Variants in PPARGC1A observed in about 807,000 individuals in gnomAD.
The protein encoded by PPARGC1A is PPARG coactivator 1 alpha, also known as peroxisome proliferator-activated receptor gamma coactivator 1-alpha.
In PPARGC1A, 25 loss-of-function variants were observed where a neutral mutation model predicts 88.7. The ratio of observed to expected loss-of-function variants is 0.28; its 90% confidence interval spans 0.21 to 0.39. PPARGC1A has a LOEUF of 0.39. Among genes scored for constraint, PPARGC1A ranks in the 10% least tolerant of loss-of-function variants. The pLI is 1.00. For synonymous variants in PPARGC1A, 363 were observed against 355.6 expected, an observed-to-expected ratio of 1.02 and a Z score of -0.24; for missense variants, 880 against 968.7, an observed-to-expected ratio of 0.91 and a Z score of 1.22.
Position 23,795,829 on chromosome 4 carries a change from C to G in PPARGC1A, c.2390G>C (p.Arg797Pro). Residue 797 changes from arginine to proline, a missense_variant, in exon 13 of 13, where the codon CGC becomes CCC. By Grantham distance (103) the Arg-to-Pro change is moderately radical. Transcript: ENST00000264867. ...SLLKEAQRSL[R>P]R ...CCTCAGCTAGGGAACATGTTACCTG[C>G]GCAAGCTTCTCTGAGCTTCTTTCAG... 1 of 1,609,436 alleles carries G rather than the reference C, an allele frequency of 6.2e-7. No homozygotes were observed. The highest frequency in any genetic ancestry group is 2.2e-5 in the East Asian group (1 of 44,734).
chr4:24,057,444 G>T, the PPARGC1A span, among the ~76,000 whole-genome samples: 22 of 129,052 alleles, frequency 1.7e-4, no homozygotes, highest in East Asian at 6.6e-4. Flanking sequence ...CTTCAAAAAG[G>T]CTAAGATGGT....
At chr4:24,391,010 C>T in the PPARGC1A span, among the ~76,000 whole-genome samples, 1 of 151,804 alleles carries the variant, frequency 6.6e-6, no homozygotes, top group African/African-American at 2.4e-5. Context: ...AATCCTTTGG[C>T]GATAAAAGCT....
In PPARGC1A at chr4:23,860,114, A is replaced by T. The variant is rs1440995558; in HGVS notation, c.234+24638T>A. Among the ~76,000 whole-genome samples the T allele has an allele frequency of 2.6e-5, 4 of 152,060 alleles. No individual in the cohort carries two copies. The East Asian group carries it at 7.8e-4, about 30-fold the overall frequency. On this transcript the variant is annotated intron_variant, in intron 2 of 12. Coordinates refer to ENST00000264867, the MANE Select transcript of PPARGC1A (RefSeq NM_013261.5). Reference sequence around the variant, plus strand: ...TAGTAAGACCTTGTCTTTACAAAAAATTTAAAAATTAGCCAAGTGTGGTGG... The same window carrying T: ...TAGTAAGACCTTGTCTTTACAAAAATTTTAAAAATTAGCCAAGTGTGGTGG...
Position 23,795,667 on chromosome 4 carries a change from G to A in PPARGC1A, c.*155C>T, listed in dbSNP as rs754389332. On this transcript the variant is annotated 3_prime_UTR_variant, in exon 13 of 13. Transcript: ENST00000264867. ...AACCATTGTTGTTATTGTTGTTGTT[G>A]TTCTTGTTGTATTGTTGTTGTTTTG... The A allele has an allele frequency of 3.5e-6, 2 of 570,268 alleles. No individual in the cohort carries two copies. Among genetic ancestry groups the A allele is most frequent in the African/African-American group, 1.9e-5 (1 of 51,724 alleles). The allele number at this position is 570,268 out of a possible 1,614,324, so 35.3% of individuals were successfully genotyped here. A position where few individuals can be genotyped will look rare whatever the true frequency, so the allele number is the denominator to read the frequency against.
At chr4:24,065,141 A>G in the PPARGC1A span, among the ~76,000 whole-genome samples, 2 of 152,030 alleles carry the variant, frequency 1.3e-5, no homozygotes, top group African/African-American at 4.8e-5. Flanking sequence ...TGGAGAAGGG[A>G]CCTACCTGAT....
At chr4:24,059,110 G>A in the PPARGC1A span, among the ~76,000 whole-genome samples, 54 of 152,162 alleles carry the variant, frequency 3.5e-4, no homozygotes, top group African/African-American at 1.2e-3. Context: ...TGTTTATTTC[G>A]ACCAAGCCCC....
the PPARGC1A span, among the ~76,000 whole-genome samples, chr4:24,418,020 AAAT>A: frequency 6.6e-6 from 1 of 151,706 alleles, no homozygotes; most frequent in African/African-American, 2.4e-5. Context: ...ATATACATAA[AAAT>A]AATAAGAATA....
chr4:23,917,619 G>A, the PPARGC1A span, among the ~76,000 whole-genome samples: 4 of 152,058 alleles, frequency 2.6e-5, no homozygotes, highest in African/African-American at 4.8e-5. Flanking sequence ...CACCACGCCC[G>A]GCTTTTCTGT....
the PPARGC1A span, among the ~76,000 whole-genome samples, chr4:24,157,701 C>T: frequency 3.9e-5 from 6 of 152,032 alleles, no homozygotes; most frequent in Admixed American, 1.3e-4. Context: ...CTCCCAAATC[C>T]ATATTCCAAG....
At chr4:23,950,595 T>C in the PPARGC1A span, among the ~76,000 whole-genome samples, 1 of 152,218 alleles carries the variant, frequency 6.6e-6, no homozygotes, top group African/African-American at 2.4e-5. Context: ...TGGTTACCTT[T>C]AGAAAATTAT....
chr4:24,272,593 C>T, the PPARGC1A span, among the ~76,000 whole-genome samples: 2 of 152,156 alleles, frequency 1.3e-5, no homozygotes, highest in Non-Finnish European at 2.9e-5. Context: ...CATTTCCACC[C>T]CTTTTTAAAA....
At chr4:24,333,517 A>G in the PPARGC1A span, among the ~76,000 whole-genome samples, 1 of 152,190 alleles carries the variant, frequency 6.6e-6, no homozygotes, top group Non-Finnish European at 1.5e-5. Flanking sequence ...ATCTCATGGT[A>G]TAGAGAGCTT....
At chr4:23,811,895 T>A (rs1316155004) in intron 10 of PPARGC1A, among the ~76,000 whole-genome samples, 1 of 9,846 alleles carries the variant, frequency 1.0e-4, no homozygotes, top group Non-Finnish European at 2.2e-4. Flanking sequence ...ATGACTTTTT[T>A]TTTTTTTTTT....
At chr4:24,379,043 CCTT>C in the PPARGC1A span, among the ~76,000 whole-genome samples, 1 of 152,002 alleles carries the variant, frequency 6.6e-6, no homozygotes, top group African/African-American at 2.4e-5. Context: ...TTCTTTGTCC[CCTT>C]CTATTTCATG....
At chr4:24,329,263 T>C in the PPARGC1A span, among the ~76,000 whole-genome samples, 2 of 152,002 alleles carry the variant, frequency 1.3e-5, no homozygotes, top group Admixed American at 6.5e-5. Context: ...TTAAGCTTTT[T>C]TTTTTTTCCT....
At chr4:24,202,043 A>G in the PPARGC1A span, among the ~76,000 whole-genome samples, 3 of 152,172 alleles carry the variant, frequency 2.0e-5, no homozygotes, top group Non-Finnish European at 4.4e-5. Context: ...TTGGGACTAC[A>G]GGTGTGCACC....
the PPARGC1A span, among the ~76,000 whole-genome samples, chr4:24,066,958 A>G: frequency 6.8e-6 from 1 of 146,826 alleles, no homozygotes; most frequent in East Asian, 2.0e-4. Flanking sequence ...CACACATTTC[A>G]GTGGAGAAAG....
intron 2 of PPARGC1A, among the ~76,000 whole-genome samples, chr4:23,853,416 G>T (rs1438059152): frequency 1.3e-5 from 2 of 151,518 alleles, no homozygotes; most frequent in Non-Finnish European, 2.9e-5. Flanking sequence ...GACTTCCTAA[G>T]TTACATCTGC....
At chr4:23,994,144 G>A in the PPARGC1A span, among the ~76,000 whole-genome samples, 1 of 152,170 alleles carries the variant, frequency 6.6e-6, no homozygotes, top group African/African-American at 2.4e-5. Context: ...CCAAGCAAAG[G>A]CTCTTTGTAC....
Sources: gnomAD v4.1 joint callset for allele counts (sites outside exome capture counted in the v4.1 genomes callset) on GRCh38, gnomAD v4.1.1 for gene constraint, MANE v1.5 for transcripts, NCBI Gene and HGNC (gene_info 2026-07-23, HGNC 2026-07-21) for gene names.